Variants in ANKRD11 observed in about 807,000 individuals in gnomAD.
The protein encoded by ANKRD11 is ankyrin repeat domain-containing protein 11.
A neutral mutation model predicts 195.7 loss-of-function variants in ANKRD11; 17 were observed. The ratio of observed to expected loss-of-function variants is 0.09; its 90% CI spans 0.06 to 0.13. ANKRD11 has a LOEUF of 0.13. ANKRD11 is among the 10% of genes least tolerant of loss of function. The pLI is 1.00. For synonymous variants in ANKRD11, 1,953 were observed against 1,528.1 expected (o/e 1.28, Z -6.49); for missense variants, 3,735 against 3,566.1 (o/e 1.05, Z -1.21).
chr16:89,353,800 C>T (rs898335028), intron 2 of ANKRD11, among the ~76,000 whole-genome samples: 2 of 152,178 alleles, frequency 1.3e-5, no homozygotes, highest in Non-Finnish European at 2.9e-5. Context: ...TCTTATGGAA[C>T]ATAATGTTTT....
rs1345330691 is a variant in ANKRD11, at chr16:89,291,551, CT to C, written c.227-369del. The C allele has an allele frequency of 4.1e-6, 3 of 730,852 alleles. No individual in the cohort carries two copies. The highest frequency in any genetic ancestry group is 6.4e-6 in the Non-Finnish European group (3 of 469,856). 45.3% of individuals were successfully genotyped at this position (730,852 alleles called of 1,614,324 possible). Reference sequence around the variant, plus strand: ...GTGACCTGGCTCACACAGGACAGGTCTCTGTTCAATACACGTGTCTGTAATT... The same window carrying C: ...GTGACCTGGCTCACACAGGACAGGTCCTGTTCAATACACGTGTCTGTAATT... On this transcript the variant is annotated intron_variant, in intron 4 of 12. Coordinates refer to ENST00000301030, the MANE Select transcript of ANKRD11 (RefSeq NM_013275.6). This position sits in a 1 kb window ranked among gnomAD's most constrained non-coding sequence, Gnocchi z 5.3.
At chr16:89,458,456 C>A (rs1178104113) in intron 1 of ANKRD11, among the ~76,000 whole-genome samples, 2 of 152,174 alleles carry the variant, frequency 1.3e-5, no homozygotes, top group African/African-American at 4.8e-5. Context: ...GATCTCCTGA[C>A]CTCGTGATCC....
chr16:89,370,927 A>G (rs1199865755), intron 2 of ANKRD11, among the ~76,000 whole-genome samples: 2 of 152,114 alleles, frequency 1.3e-5, no homozygotes, highest in Non-Finnish European at 2.9e-5. Flanking sequence ...TGCAGGCGCC[A>G]CGAGACGCCC....
intron 9 of ANKRD11, chr16:89,278,340 C>T (rs1015869482): frequency 1.7e-5 from 6 of 353,784 alleles, no homozygotes; most frequent in South Asian, 6.2e-5. Context: ...AGTCAGGCCC[C>T]GCGGCCCAGG....
intron 1 of ANKRD11, among the ~76,000 whole-genome samples, chr16:89,460,670 G>A (rs969914831): frequency 3.3e-5 from 5 of 152,152 alleles, no homozygotes; most frequent in African/African-American, 1.2e-4. Flanking sequence ...CCAGGAGGTC[G>A]AGGCTATAGT....
intron 2 of ANKRD11, among the ~76,000 whole-genome samples, chr16:89,362,287 G>A (rs146405812): frequency 3.1e-4 from 47 of 152,316 alleles, no homozygotes; most frequent in African/African-American, 1.1e-3. Context: ...CCACTGCTAG[G>A]GATGAAGAGT....
intron 2 of ANKRD11, among the ~76,000 whole-genome samples, chr16:89,408,377 C>T (rs2041991841): frequency 6.6e-6 from 1 of 152,252 alleles, no homozygotes; most frequent in African/African-American, 2.4e-5. Context: ...CACAGAAAGG[C>T]CAGCATCAGC....
chr16:89,451,658 C>A (rs2044079811), intron 1 of ANKRD11, among the ~76,000 whole-genome samples: 1 of 152,192 alleles, frequency 6.6e-6, no homozygotes, highest in Admixed American at 6.5e-5. Context: ...CTCAGGTGAT[C>A]TGCAAGCCTC....
intron 1 of ANKRD11, among the ~76,000 whole-genome samples, chr16:89,486,022 TAAA>T (rs1359109120): frequency 6.6e-6 from 1 of 152,234 alleles, no homozygotes; most frequent in Non-Finnish European, 1.5e-5. Context: ...GCAGTCCTGC[TAAA>T]AGTGCTTTCA....
Position 89,352,732 on chromosome 16 carries a change from T to C in ANKRD11, c.-59-35654A>G, listed in dbSNP as rs143608460. Among the ~76,000 whole-genome samples the C allele has an allele frequency of 5.1e-3, 780 of 152,326 alleles. 5 individuals carry two copies. The highest frequency in any genetic ancestry group is 0.018 in the African/African-American group (755 of 41,566). On this transcript the variant is annotated intron_variant, in intron 2 of 12. Coordinates refer to ENST00000301030, the MANE Select transcript of ANKRD11 (RefSeq NM_013275.6). ...GAAGCCTCAGCTGGGTGAGTCCCGC[T>C]TGCCTCTGAAAATGTGTGTGCTCAG...
At chr16:89,398,205 TGAAGATTA>T in intron 2 of ANKRD11, among the ~76,000 whole-genome samples, 3 of 150,970 alleles carry the variant, frequency 2.0e-5, no homozygotes, top group Non-Finnish European at 4.4e-5. Context: ...GTGAAACAGC[TGAAGATTA>T]CCTGTGACCT....
At chr16:89,398,132 C>T (rs543914044) in intron 2 of ANKRD11, among the ~76,000 whole-genome samples, 20 of 151,714 alleles carry the variant, frequency 1.3e-4, no homozygotes, top group African/African-American at 4.4e-4. Context: ...AAGAGGGACA[C>T]TGTGAAACAG....
At chr16:89,461,889 T>C (rs1333143767) in intron 1 of ANKRD11, among the ~76,000 whole-genome samples, 1 of 152,188 alleles carries the variant, frequency 6.6e-6, no homozygotes, top group Non-Finnish European at 1.5e-5. Context: ...ACTCTGACAC[T>C]GCCCTCTCCC....
Position 89,358,397 on chromosome 16 carries a change from A to T in ANKRD11, c.-59-41319T>A, listed in dbSNP as rs140357333. Among the ~76,000 whole-genome samples, 779 of 152,362 alleles carry T rather than the reference A, an allele frequency of 5.1e-3. 5 individuals are homozygous for T. The highest frequency in any genetic ancestry group is 0.018 in the African/African-American group (754 of 41,584). Reference sequence around the variant, plus strand: ...ATGCACAGCTTAGCGACCACGTTTCAAAGAGCCACGTGGATAACTGCCTAT... The same window carrying T: ...ATGCACAGCTTAGCGACCACGTTTCTAAGAGCCACGTGGATAACTGCCTAT... On this transcript the variant is annotated intron_variant, in intron 2 of 12. Transcript: ENST00000301030.
chr16:89,352,658 CCAA>C (rs1249528818), intron 2 of ANKRD11, among the ~76,000 whole-genome samples: 2 of 152,316 alleles, frequency 1.3e-5, no homozygotes, highest in Non-Finnish European at 1.5e-5. Flanking sequence ...CTCATCAGCA[CCAA>C]AGTGTTCTGT....
rs553395779 is a variant in ANKRD11 at position 89,388,019 on chromosome 16, A to G, written c.-60+30265T>C. ...CAGAGCAAGACTCCATCTCAAAAAA[A>G]AAAAAAAAGGACTGTGCTCATCTGT... On this transcript the variant is annotated intron_variant, in intron 2 of 12. Coordinates refer to ENST00000301030, the MANE Select transcript of ANKRD11 (RefSeq NM_013275.6). Among the ~76,000 whole-genome samples the G allele has an allele frequency of 2.6e-5, 4 of 152,128 alleles. No individual in the cohort carries two copies. In the East Asian group the frequency reaches 7.7e-4, roughly 29 times the overall value.
intron 1 of ANKRD11, among the ~76,000 whole-genome samples, chr16:89,427,205 C>T (rs752462220): frequency 2.0e-5 from 3 of 152,116 alleles, no homozygotes; most frequent in Non-Finnish European, 4.4e-5. Flanking sequence ...CAAATTTAAC[C>T]AAAGAAGTGT....
At chr16:89,389,463 G>A (rs116215071) in intron 2 of ANKRD11, among the ~76,000 whole-genome samples, 344 of 152,212 alleles carry the variant, frequency 2.3e-3, no homozygotes, top group African/African-American at 8.0e-3. Context: ...GACACAGAAG[G>A]CAAAATTAGT....
intron 4 of ANKRD11, 193 bp downstream of exon 4, chr16:89,305,013 G>C (rs1227052836): frequency 2.4e-6 from 2 of 823,400 alleles, no homozygotes; most frequent in South Asian, 1.8e-5. Context: ...CCATGGGCCT[G>C]AGCCTCGGGT....
Sources: allele counts gnomAD v4.1 joint callset (sites outside exome capture counted in the v4.1 genomes callset), GRCh38; gene constraint gnomAD v4.1.1; non-coding constraint Gnocchi (gnomAD v3.1); transcripts MANE v1.5; gene names NCBI Gene and HGNC (gene_info 2026-07-23, HGNC 2026-07-21).